The following SLC25A30 variants were observed in gnomAD, a reference collection of about 807,000 sequenced individuals.
SLC25A30 encodes the protein solute carrier family 25 member 30.
A neutral mutation model predicts 42.7 loss-of-function variants in SLC25A30; 29 were observed. That is an observed-to-expected ratio of 0.68 (90% CI 0.51 to 0.93). The LOEUF (loss-of-function observed/expected upper bound fraction) is 0.93. Ranked by LOEUF, SLC25A30 falls within the 40% of genes least tolerant of loss-of-function variation. The pLI, the probability that SLC25A30 is intolerant of heterozygous loss-of-function variation, is 0.00. For missense variants in SLC25A30, 300 were observed against 359.7 expected, an observed-to-expected ratio of 0.83 and a Z score of 1.34; for synonymous variants, 124 against 131.0, an observed-to-expected ratio of 0.95 and a Z score of 0.37.
At chr13:45,399,155 G>A (rs1881679261) in intron 7 of SLC25A30, 77 bp from the exon 8 acceptor site, 1 of 1,399,966 alleles carries the variant, frequency 7.1e-7, no homozygotes, top group South Asian at 1.4e-5. Flanking sequence ...GCAGAAAACA[G>A]CTTCTGCCCA....
At chr13:45,425,453 AGT>A in the SLC25A30 span, among the ~76,000 whole-genome samples, 3 of 108,536 alleles carry the variant, frequency 2.8e-5, no homozygotes, top group Admixed American at 1.3e-4. Flanking sequence ...TAAATATATA[AGT>A]GTATATATAA....
rs200033054 is a variant in SLC25A30, at chr13:45,398,146, G to T, written c.753+794C>A. 6.3e-6 allele frequency: 4 copies of T among 636,678 alleles called. No homozygotes were observed. The East Asian group carries it at 5.5e-4, about 88-fold the overall frequency. 39.4% of individuals were successfully genotyped at this position (636,678 alleles called of 1,614,324 possible). Reference sequence around the variant, plus strand: ...CCTGTAGCCATAAAAAAGAAATCACGTTCTTTGCAGCAACATGGATGGAGC... The same window carrying T: ...CCTGTAGCCATAAAAAAGAAATCACTTTCTTTGCAGCAACATGGATGGAGC... On this transcript the variant is annotated intron_variant, in intron 8 of 9. Coordinates refer to ENST00000519676, the MANE Select transcript of SLC25A30 (RefSeq NM_001010875.4).
At chr13:45,424,887 T>C in the SLC25A30 span, among the ~76,000 whole-genome samples, 2 of 59,460 alleles carry the variant, frequency 3.4e-5, no homozygotes, top group Non-Finnish European at 5.9e-5. Context: ...TATATAAATA[T>C]ATATTTAAAT....
At chr13:45,418,425 G>T (rs1469910750), upstream of SLC25A30, 2 of 149,582 alleles carry the variant, frequency 1.3e-5, no homozygotes, top group Non-Finnish European at 2.9e-5. Flanking sequence ...ACGCAGCCCC[G>T]CGCCGCCCCG....
At chr13:45,423,714 A>ATATATATATT in the SLC25A30 span, among the ~76,000 whole-genome samples, 2 of 40,104 alleles carry the variant, frequency 5.0e-5, no homozygotes, top group East Asian at 7.2e-4. Flanking sequence ...ATATATAAAC[A>ATATATATATT]TATATAAATA....
chr13:45,395,982 C>G lies in SLC25A30; in HGVS notation c.868G>C (p.Asp290His). 2 of 1,614,162 alleles carry G rather than the reference C, an allele frequency of 1.2e-6. No individual in the cohort carries two copies. Among genetic ancestry groups the G allele is most frequent in the Non-Finnish European group, 1.7e-6 (2 of 1,180,028 alleles). The change falls in exon 10 of 10, where the codon GAT becomes CAT. Residue 290 changes from aspartate to histidine, a missense_variant. Physicochemically the swap from Asp to His is moderately conservative, Grantham distance 81 (BLOSUM62 -1). Transcript: ENST00000519676. Reference protein sequence around the residue: ...FVTYEQLKKLDL With the variant: ...FVTYEQLKKLHL Reference sequence around the variant, plus strand: ...CATGCAGCCTTGGCTTGTCACAAATCCAATTTCTTCAACTGCTCGTATGTC... The same window carrying G: ...CATGCAGCCTTGGCTTGTCACAAATGCAATTTCTTCAACTGCTCGTATGTC...
At chr13:45,409,271 A>G (rs1290551545) in intron 2 of SLC25A30, among the ~76,000 whole-genome samples, 197 bp from the exon 3 acceptor site, 7 of 152,160 alleles carry the variant, frequency 4.6e-5, no homozygotes, top group Non-Finnish European at 1.0e-4. Flanking sequence ...AAATGCATAG[A>G]TATATTTTCC....
At chr13:45,429,523 T>C in the SLC25A30 span, among the ~76,000 whole-genome samples, 616 of 152,120 alleles carry the variant, frequency 4.0e-3, 2 homozygotes, top group Non-Finnish European at 6.6e-3. Context: ...ATTCTCAAGA[T>C]GACACTGAAA....
chr13:45,424,105 AAAT>A, the SLC25A30 span, among the ~76,000 whole-genome samples: 252 of 83,986 alleles, frequency 3.0e-3, 3 homozygotes, highest in African/African-American at 0.013. Flanking sequence ...AAATATATAA[AAAT>A]ATATATAAAT....
upstream of SLC25A30, among the ~76,000 whole-genome samples, chr13:45,421,707 A>G (rs1003923694): frequency 6.6e-6 from 1 of 152,190 alleles, no homozygotes. Flanking sequence ...GACGTGTGCA[A>G]AAACATACTT....
upstream of SLC25A30, chr13:45,420,332 A>G (rs575284971): frequency 1.3e-5 from 2 of 152,244 alleles, no homozygotes; most frequent in African/African-American, 4.8e-5. Context: ...TTGGCCACAC[A>G]ATGTTTTGAA....
At chr13:45,428,517 CTTTTTT>C in the SLC25A30 span, among the ~76,000 whole-genome samples, 4 of 92,550 alleles carry the variant, frequency 4.3e-5, no homozygotes, top group African/African-American at 1.3e-4. Flanking sequence ...TTCTTTTTAA[CTTTTTT>C]TTTTTTTTTT....
the SLC25A30 span, among the ~76,000 whole-genome samples, chr13:45,425,547 T>TAA: frequency 2.6e-5 from 2 of 76,002 alleles, no homozygotes; most frequent in African/African-American, 6.9e-5. Context: ...AGTATATATA[T>TAA]ATAAGTATAT....
intron 3 of SLC25A30, among the ~76,000 whole-genome samples, chr13:45,408,188 A>G (rs1205584082): frequency 1.3e-5 from 2 of 152,156 alleles, no homozygotes; most frequent in Non-Finnish European, 2.9e-5. Context: ...CACATATACT[A>G]TGTGAGTGAC....
At position 45,399,809 on chromosome 13, in the gene SLC25A30, G is replaced by A. The variant is rs189102320; in HGVS notation, c.615-731C>T. Among the ~76,000 whole-genome samples, 515 of 151,464 alleles carry A rather than the reference G, an allele frequency of 3.4e-3. 5 individuals carry two copies. Among genetic ancestry groups the A allele is most frequent in the African/African-American group, 0.012 (477 of 41,254 alleles). On this transcript the variant is annotated intron_variant, in intron 7 of 9. Transcript: ENST00000519676. Reference sequence around the variant, plus strand: ...AAAGATCTCCTTACTATAATGCCCCGCAAAGGTCTTAGGTTCTGCTATATT... The same window carrying A: ...AAAGATCTCCTTACTATAATGCCCCACAAAGGTCTTAGGTTCTGCTATATT...
chr13:45,427,060 A>G, the SLC25A30 span, among the ~76,000 whole-genome samples: 1 of 151,926 alleles, frequency 6.6e-6, no homozygotes, highest in Admixed American at 6.6e-5. Context: ...TTGGATGATG[A>G]AAAAAAATCA....
In SLC25A30 at chr13:45,394,313, A is replaced by C. The variant is rs1423674352; in HGVS notation, c.*1661T>G. ...CTTTGTCTTAGCTCTCACTTTTGGA[A>C]ATAATATTCAAAGGGACCATTCATG... On this transcript the variant is annotated 3_prime_UTR_variant, in exon 10 of 10. Coordinates refer to ENST00000519676, the MANE Select transcript of SLC25A30 (RefSeq NM_001010875.4). 27 of 970,298 alleles carry C rather than the reference A, an allele frequency of 2.8e-5. No homozygotes were observed. The highest frequency in any genetic ancestry group is 3.3e-5 in the Non-Finnish European group (27 of 827,968). 60.1% of individuals were successfully genotyped at this position (970,298 alleles called of 1,614,324 possible). A position where few individuals can be genotyped will look rare whatever the true frequency, so the allele number is the denominator to read the frequency against.
rs913493478 is a variant in SLC25A30, at chr13:45,394,490, G to T, written c.*1484C>A. 1 of 985,242 alleles carries T rather than the reference G, an allele frequency of 1.0e-6. No individual in the cohort carries two copies. The highest frequency in any genetic ancestry group is 4.7e-5 in the South Asian group (1 of 21,288). 61.0% of individuals were successfully genotyped at this position (985,242 alleles called of 1,614,324 possible). ...GGAAGGAGAATGCCCTGGAGCCCCA[G>T]CTAACATGTATTTAATGTTGTTCTC... On this transcript the variant is annotated 3_prime_UTR_variant, in exon 10 of 10. Coordinates refer to ENST00000519676, the MANE Select transcript of SLC25A30 (RefSeq NM_001010875.4).
Position 45,399,949 on chromosome 13 carries a change from A to T in SLC25A30, c.615-871T>A, listed in dbSNP as rs372482424. 3.0e-4 allele frequency among the ~76,000 whole-genome samples: 45 copies of T among 149,934 alleles called. No homozygotes were observed. The East Asian group carries it at 4.3e-3, about 14-fold the overall frequency. On this transcript the variant is annotated intron_variant, in intron 7 of 9. Coordinates refer to ENST00000519676, the MANE Select transcript of SLC25A30 (RefSeq NM_001010875.4). ...CCTGGCCCCACTAGATGTCAGTAGT[A>T]TTCCCCCCTGGTTGTGACAATCAGA...
Sources: gnomAD v4.1 joint callset for allele counts (sites outside exome capture counted in the v4.1 genomes callset) on GRCh38, gnomAD v4.1.1 for gene constraint, MANE v1.5 for transcripts, NCBI Gene and HGNC (gene_info 2026-07-23, HGNC 2026-07-21) for gene names.